SLC6A15: variants seen among roughly 807,000 people sequenced by gnomAD.
SLC6A15 encodes solute carrier family 6 member 15, also known as sodium-dependent neutral amino acid transporter B(0)AT2.
In SLC6A15, 33 loss-of-function variants were observed where a neutral mutation model predicts 68.5. The observed-to-expected ratio is 0.48, with a 90% CI of 0.37 to 0.64. The LOEUF (loss-of-function observed/expected upper bound fraction) is 0.64, where lower values mean the gene tolerates loss of function less well. Ranked by LOEUF, SLC6A15 falls within the 30% of genes least tolerant of loss-of-function variation. SLC6A15 has a pLI of 0.00. For missense variants in SLC6A15, 747 were observed against 874.3 expected (o/e 0.85, Z 1.84); for synonymous variants, 347 against 301.0 (o/e 1.15, Z -1.58).
In SLC6A15 at chr12:84,867,066, A is replaced by G. The variant is rs141369358; in HGVS notation, c.1623T>C (p.Asn541=). ...TGCCATAAACAAAGCATACAGCAAT[A>G]TTCTCCAAAATGACTACAATTAGCA... ...LPLLIVVILE[N]IAVCFVYGID... is the part of the protein sequence containing the mutation. Residue 541 remains asparagine (N), a synonymous_variant, in exon 10 of 12, where the codon AAT becomes AAC. Coordinates refer to ENST00000266682, the MANE Select transcript of SLC6A15 (RefSeq NM_182767.6). 2 of 1,610,052 alleles carry G rather than the reference A, an allele frequency of 1.2e-6. No homozygotes were observed. Among genetic ancestry groups the G allele is most frequent in the Non-Finnish European group, 8.5e-7 (1 of 1,178,336 alleles).
At chr12:84,890,402 A>G (rs1379343202) in intron 2 of SLC6A15, among the ~76,000 whole-genome samples, 2 of 152,104 alleles carry the variant, frequency 1.3e-5, no homozygotes, top group African/African-American at 2.4e-5. Flanking sequence ...TTACAAGGCA[A>G]AAAAGTCTTA....
chr12:84,892,587 T>C (rs1407621371), intron 1 of SLC6A15, among the ~76,000 whole-genome samples: 1 of 152,132 alleles, frequency 6.6e-6, no homozygotes, highest in Non-Finnish European at 1.5e-5. Flanking sequence ...AACTAAACTT[T>C]TAGGACTCTT....
intron 1 of SLC6A15, among the ~76,000 whole-genome samples, chr12:84,902,274 T>C (rs1418184036): frequency 2.0e-5 from 3 of 152,012 alleles, no homozygotes; most frequent in Non-Finnish European, 4.4e-5. Context: ...CTTCATTAAA[T>C]GTATATTTTT....
intron 6 of SLC6A15, among the ~76,000 whole-genome samples, chr12:84,876,039 T>G (rs1431241051): frequency 6.6e-6 from 1 of 151,662 alleles, no homozygotes; most frequent in Non-Finnish European, 1.5e-5. Flanking sequence ...GGTCCATGGA[T>G]TCTAGATGAT....
At chr12:84,889,283 G>A (rs1170408514) in intron 2 of SLC6A15, among the ~76,000 whole-genome samples, 2 of 152,154 alleles carry the variant, frequency 1.3e-5, no homozygotes, top group East Asian at 1.9e-4. Context: ...GAGGTCAGGA[G>A]ATCAAGACCA....
chr12:84,904,367 C>A (rs908313119), intron 1 of SLC6A15, among the ~76,000 whole-genome samples: 1 of 151,986 alleles, frequency 6.6e-6, no homozygotes, highest in Admixed American at 6.6e-5. Context: ...AATGAACCAC[C>A]CAAATGAGCC....
chr12:84,866,876 C>T (rs1212579486), intron 10 of SLC6A15, among the ~76,000 whole-genome samples, 158 bp downstream of exon 10: 1 of 152,076 alleles, frequency 6.6e-6, no homozygotes, highest in Non-Finnish European at 1.5e-5. Context: ...TGTAATTTAC[C>T]AAAACTGTTG....
rs1359822240 is a variant in SLC6A15 at position 84,872,728 on chromosome 12, A to G, written c.1176T>C (p.His392=). Residue 392 remains histidine, a synonymous_variant, in exon 8 of 12, where the codon CAT becomes CAC. Coordinates refer to ENST00000266682, the MANE Select transcript of SLC6A15 (RefSeq NM_182767.6). ...GNISQDIIPH[H]INLSTVTAED... ...CTGCAGTAACAGTTGAAAGGTTGAT[A>G]TGATGGGGAATAATATCCTGACTAA... The G allele has an allele frequency of 3.7e-6, 6 of 1,613,132 alleles. No individual in the cohort carries two copies. Among genetic ancestry groups the G allele is most frequent in the Admixed American group, 3.3e-5 (2 of 59,928 alleles).
chr12:84,888,845 G>T (rs1872244866), intron 2 of SLC6A15, among the ~76,000 whole-genome samples: 1 of 152,136 alleles, frequency 6.6e-6, no homozygotes, highest in Non-Finnish European at 1.5e-5. Flanking sequence ...GGAAGCCAAG[G>T]CTTCCTGGCC....
chr12:84,863,254 C>T (rs1870925675), intron 11 of SLC6A15, among the ~76,000 whole-genome samples, 185 bp downstream of exon 11: 1 of 150,974 alleles, frequency 6.6e-6, no homozygotes, highest in South Asian at 2.1e-4. Context: ...TGAAAACATC[C>T]ACAATGTATT....
chr12:84,880,836 C>T (rs1269039780), intron 5 of SLC6A15: 3 of 877,996 alleles, frequency 3.4e-6, no homozygotes, highest in African/African-American at 3.7e-5. Context: ...AAATCGAAAA[C>T]AAAAACCATT....
intron 9 of SLC6A15, among the ~76,000 whole-genome samples, chr12:84,869,427 T>C (rs10779140): frequency 0.41 from 57,602 of 140,754 alleles, 15,451 homozygotes; most frequent in African/African-American, 0.78. Flanking sequence ...GCACTACTGC[T>C]GCACTCCAGC....
At chr12:84,868,370 G>T (rs1049137325) in intron 9 of SLC6A15, among the ~76,000 whole-genome samples, 1 of 152,166 alleles carries the variant, frequency 6.6e-6, no homozygotes, top group Non-Finnish European at 1.5e-5. Flanking sequence ...TTTGTTTACA[G>T]ATGAGAGAAA....
intron 2 of SLC6A15, among the ~76,000 whole-genome samples, chr12:84,890,491 C>T (rs1469571042): frequency 2.0e-5 from 3 of 152,174 alleles, no homozygotes; most frequent in African/African-American, 7.2e-5. Context: ...TACATAGTTG[C>T]TTACAGCTGA....
In SLC6A15 at chr12:84,872,714, G is replaced by C. The variant is rs148988382; in HGVS notation, c.1190C>G (p.Thr397Ser). The C allele has an allele frequency of 1.4e-5, 22 of 1,612,906 alleles. No individual in the cohort carries two copies. The highest frequency in any genetic ancestry group is 1.9e-5 in the Non-Finnish European group (22 of 1,179,552). Residue 397 changes from threonine to serine, a missense_variant, in exon 8 of 12, where the codon ACT (threonine) becomes AGT (serine). Thr to Ser is a moderately conservative substitution (Grantham distance 58). Coordinates refer to ENST00000266682, the MANE Select transcript of SLC6A15 (RefSeq NM_182767.6). The stretch of plus-strand genomic sequence containing the variant: ...TAAATGATAATCTTCTGCAGTAACA[G>C]TTGAAAGGTTGATATGATGGGGAAT... ...DIIPHHINLS[T>S]VTAEDYHLVY...
At chr12:84,911,615 G>C (rs1271150429) in intron 1 of SLC6A15, among the ~76,000 whole-genome samples, 1 of 152,200 alleles carries the variant, frequency 6.6e-6, no homozygotes, top group Non-Finnish European at 1.5e-5. Context: ...CACTGGGTGG[G>C]TCATGCCTGT....
At chr12:84,904,288 A>C (rs1873034183) in intron 1 of SLC6A15, among the ~76,000 whole-genome samples, 1 of 150,766 alleles carries the variant, frequency 6.6e-6, no homozygotes. Flanking sequence ...GTGAAGCTCC[A>C]GGCATAAGAA....
At position 84,873,110 on chromosome 12, in the gene SLC6A15, G is replaced by T; in HGVS notation, c.1086C>A (p.Val362=). 2 of 1,614,024 alleles carry T rather than the reference G, an allele frequency of 1.2e-6. No individual in the cohort carries two copies. Among genetic ancestry groups the T allele is most frequent in the South Asian group, 2.2e-5 (2 of 91,022 alleles). The part of the protein sequence containing the change: ...VFAVLGFKAN[V]INEKCITQNS... ...ACTGTGTAATGCATTTCTCATTTAT[G>T]ACATTTGCTTTGAAGCCCAGAACTG... The change falls in exon 7 of 12, where the codon GTC becomes GTA. Residue 362 remains valine, a synonymous_variant. Transcript: ENST00000266682.
At chr12:84,885,710 G>A (rs910871750) in intron 3 of SLC6A15, 149 bp from the exon 4 acceptor site, 2 of 1,051,306 alleles carry the variant, frequency 1.9e-6, no homozygotes, top group South Asian at 1.8e-5. Context: ...AAAAGTTAAT[G>A]TCTTTCTCAG....
Sources: gnomAD v4.1 joint callset for allele counts (sites outside exome capture counted in the v4.1 genomes callset) on GRCh38, gnomAD v4.1.1 for gene constraint, MANE v1.5 for transcripts, NCBI Gene and HGNC (gene_info 2026-07-23, HGNC 2026-07-21) for gene names.